The following TMEM74 variants were observed in gnomAD, a reference collection of about 807,000 sequenced individuals.
The protein encoded by TMEM74 is transmembrane protein 74.
Under a neutral mutation model 18.1 loss-of-function variants are expected in TMEM74, and 13 were observed. The observed-to-expected ratio is 0.72, with a 90% CI of 0.47 to 1.14. TMEM74 has a LOEUF of 1.14. Among genes scored for constraint, TMEM74 ranks in the 50% most tolerant of loss-of-function variants. The pLI is 0.00. For synonymous variants in TMEM74, 159 were observed against 146.6 expected, an observed-to-expected ratio of 1.08 and a Z score of -0.61; for missense variants, 372 against 375.9, an observed-to-expected ratio of 0.99 and a Z score of 0.09.
chr8:108,671,496 C>A (rs1035801207), intron 1 of TMEM74, among the ~76,000 whole-genome samples: 2 of 152,164 alleles, frequency 1.3e-5, no homozygotes, highest in Non-Finnish European at 2.9e-5. Flanking sequence ...AAGGTTCATG[C>A]AATATTGATG....
chr8:108,699,145 T>TTCCTTCC (rs1813309831), intron 1 of TMEM74, among the ~76,000 whole-genome samples: 1 of 68,712 alleles, frequency 1.5e-5, no homozygotes, highest in African/African-American at 6.3e-5. Context: ...CCCTCCCTCT[T>TTCCTTCC]TTCCTTCCTT....
intron 2 of TMEM74, among the ~76,000 whole-genome samples, chr8:108,639,436 TAC>T (rs750384836): frequency 2.6e-5 from 4 of 151,992 alleles, no homozygotes; most frequent in East Asian, 3.9e-4. Context: ...TAGTTCTTTA[TAC>T]ACACACACAC....
intron 2 of TMEM74, chr8:108,653,330 A>T (rs1423567914): frequency 6.5e-6 from 1 of 154,114 alleles, no homozygotes; most frequent in Non-Finnish European, 1.5e-5. Flanking sequence ...TGGGCCTAAG[A>T]TTGCAGCTGC....
chr8:108,711,931 A>G (rs1813479549), intron 1 of TMEM74, among the ~76,000 whole-genome samples: 2 of 152,106 alleles, frequency 1.3e-5, no homozygotes, highest in Admixed American at 1.3e-4. Context: ...TTGCATATCT[A>G]TATCTATAGA....
intron 1 of TMEM74, among the ~76,000 whole-genome samples, chr8:108,672,075 G>A (rs948775265): frequency 1.3e-5 from 2 of 152,136 alleles, no homozygotes; most frequent in Non-Finnish European, 2.9e-5. Context: ...GACACTGTGG[G>A]TGGAAAAACT....
chr8:108,757,812 G>A (rs1813995011), intron 1 of TMEM74, among the ~76,000 whole-genome samples: 2 of 151,862 alleles, frequency 1.3e-5, no homozygotes, highest in African/African-American at 4.8e-5. Context: ...ATCAAATCAG[G>A]AGAAATGTCC....
At chr8:108,624,649 TC>T (rs1381655420) in intron 2 of TMEM74, among the ~76,000 whole-genome samples, 1 of 152,086 alleles carries the variant, frequency 6.6e-6, no homozygotes, top group Non-Finnish European at 1.5e-5. Context: ...TTTATATCTT[TC>T]ATTTTTCTCA....
At chr8:108,644,185 A>T (rs927102507) in intron 2 of TMEM74, among the ~76,000 whole-genome samples, 1 of 152,196 alleles carries the variant, frequency 6.6e-6, no homozygotes, top group Non-Finnish European at 1.5e-5. Context: ...TAGAGAAGCC[A>T]GAAATAAAAC....
In TMEM74 at chr8:108,779,099, A is replaced by T. The variant is rs1301599223; in HGVS notation, c.*5082T>A. ...AATAAACACAATAAAGCCTTTGAAT[A>T]GTTTTATTTTAAAATGATATGACAC... On this transcript the variant is annotated 3_prime_UTR_variant, in exon 2 of 2. Coordinates refer to ENST00000297459, the MANE Select transcript of TMEM74 (RefSeq NM_153015.3). Among the ~76,000 whole-genome samples, 1 of 152,188 alleles carries T rather than the reference A, an allele frequency of 6.6e-6. No homozygotes were observed. Among genetic ancestry groups the T allele is most frequent in the African/African-American group, 2.4e-5 (1 of 41,456 alleles).
intron 2 of TMEM74, among the ~76,000 whole-genome samples, chr8:108,642,249 A>G (rs1048577714): frequency 6.6e-6 from 1 of 151,994 alleles, no homozygotes; most frequent in Non-Finnish European, 1.5e-5. Context: ...AATACAAAAA[A>G]TTAACTGGAC....
chr8:108,622,354 A>G (rs1812452629), intron 2 of TMEM74, among the ~76,000 whole-genome samples: 1 of 152,124 alleles, frequency 6.6e-6, no homozygotes, highest in Non-Finnish European at 1.5e-5. Flanking sequence ...AGACAGATTC[A>G]AAGAGTTGAA....
chr8:108,636,656 A>G (rs1311778893), intron 2 of TMEM74, among the ~76,000 whole-genome samples: 1 of 152,004 alleles, frequency 6.6e-6, no homozygotes, highest in Non-Finnish European at 1.5e-5. Context: ...AGCCAGCATA[A>G]AAGGGGTCTG....
chr8:108,665,977 T>C (rs948630155), intron 1 of TMEM74, among the ~76,000 whole-genome samples: 2 of 152,188 alleles, frequency 1.3e-5, no homozygotes, highest in African/African-American at 4.8e-5. Flanking sequence ...AATATTTTGA[T>C]TTACTTACAT....
chr8:108,785,350 A>C (rs1814372125), intron 1 of TMEM74, among the ~76,000 whole-genome samples: 1 of 152,176 alleles, frequency 6.6e-6, no homozygotes, highest in South Asian at 2.1e-4. Flanking sequence ...AACACTGAGA[A>C]ACTTAAGTCA....
chr8:108,618,939 A>G (rs1812412335), intron 2 of TMEM74, among the ~76,000 whole-genome samples: 1 of 152,164 alleles, frequency 6.6e-6, no homozygotes, highest in African/African-American at 2.4e-5. Context: ...GAGACACCCC[A>G]GGCCCCATCC....
intron 2 of TMEM74, among the ~76,000 whole-genome samples, chr8:108,624,590 A>G (rs1812476570): frequency 6.6e-6 from 1 of 152,110 alleles, no homozygotes. Context: ...TAAGGTATAC[A>G]TAGTCTCTTC....
At position 108,720,382 on chromosome 8, in the gene TMEM74, A is replaced by G. The variant is rs146542955; in HGVS notation, n.120-64945T>C. Among the ~76,000 whole-genome samples the G allele has an allele frequency of 4.5e-3, 679 of 152,348 alleles. 6 individuals are homozygous for G. Among genetic ancestry groups the G allele is most frequent in the African/African-American group, 0.015 (629 of 41,586 alleles). On this transcript the variant is annotated intron_variant and non_coding_transcript_variant, in intron 1 of 3. Transcript: ENST00000518838. Reference sequence around the variant, plus strand: ...GGACAGTATTGTGGGAAATGGTTAAATAATAGTCTACAATCAATTCTGATT... The same window carrying G: ...GGACAGTATTGTGGGAAATGGTTAAGTAATAGTCTACAATCAATTCTGATT...
intron 1 of TMEM74, among the ~76,000 whole-genome samples, chr8:108,757,449 C>T (rs1050701322): frequency 6.6e-6 from 1 of 151,874 alleles, no homozygotes; most frequent in African/African-American, 2.4e-5. Flanking sequence ...ATAAATGATG[C>T]TTGATTTTTA....
chr8:108,714,140 C>A (rs1813500130), intron 1 of TMEM74, among the ~76,000 whole-genome samples: 1 of 152,176 alleles, frequency 6.6e-6, no homozygotes, highest in East Asian at 1.9e-4. Context: ...GAAACACCCT[C>A]ACAGACACCC....
Sources: allele counts gnomAD v4.1 joint callset (sites outside exome capture counted in the v4.1 genomes callset), GRCh38; gene constraint gnomAD v4.1.1; transcripts MANE v1.5; gene names NCBI Gene and HGNC (gene_info 2026-07-23, HGNC 2026-07-21).